The following GCKR variants were observed in gnomAD, a reference collection of about 807,000 sequenced individuals.
GCKR encodes glucokinase regulatory protein.
Under a neutral mutation model 82.9 loss-of-function variants are expected in GCKR, and 73 were observed. The ratio of observed to expected loss-of-function variants is 0.88; its 90% CI spans 0.73 to 1.07. The LOEUF (loss-of-function observed/expected upper bound fraction) is 1.07, where lower values mean the gene tolerates loss of function less well. Among genes scored for constraint, GCKR ranks in the 50% least tolerant of loss-of-function variants. The pLI is 0.00. For synonymous variants in GCKR, 294 were observed against 291.8 expected, an observed-to-expected ratio of 1.01 and a Z score of -0.08; for missense variants, 784 against 782.1, an observed-to-expected ratio of 1.00 and a Z score of -0.03.
At position 27,503,600 on chromosome 2, in the gene GCKR, T is replaced by A. The variant is rs753225063; in HGVS notation, c.731T>A (p.Val244Glu). Residue 244 changes from valine to glutamate, a missense_variant, in exon 9 of 19, where the codon GTG becomes GAG. Coordinates refer to ENST00000264717, the MANE Select transcript of GCKR (RefSeq NM_001486.4). The part of the protein sequence containing the change: ...QKMQEKQKAF[V>E]LNPAIGPEGL... ...ATGCAGGAGAAACAGAAAGCTTTTGTGCTCAATCCTGCCATCGGGGTAGGG... is the reference window on the plus strand; with the variant it reads ...ATGCAGGAGAAACAGAAAGCTTTTGAGCTCAATCCTGCCATCGGGGTAGGG... 6.3e-7 allele frequency: 1 copy of A among 1,595,110 alleles called. No individual in the cohort carries two copies. Among genetic ancestry groups the A allele is most frequent in the South Asian group, 1.1e-5 (1 of 90,712 alleles).
At position 27,515,770 on chromosome 2, in the gene GCKR, T is replaced by A. The variant is rs963339842; in HGVS notation, c.1423-3018T>A. On this transcript the variant is annotated intron_variant, in intron 16 of 18. Transcript: ENST00000264717. Reference sequence around the variant, plus strand: ...GTATATATATATATATATATATTTTTTTTTTTTTTTTGAGACAGAATCTCA... The same window carrying A: ...GTATATATATATATATATATATTTTATTTTTTTTTTTGAGACAGAATCTCA... Among the ~76,000 whole-genome samples the A allele has an allele frequency of 2.3e-3, 256 of 113,176 alleles. 2 individuals carry two copies. In the East Asian group the frequency reaches 0.054, roughly 24 times the overall value. The allele number at this position is 113,176 out of a possible 152,430, so 74.2% of individuals were successfully genotyped here. A position where few individuals can be genotyped will look rare whatever the true frequency, so the allele number is the denominator to read the frequency against.
At chr2:27,504,726 G>A (rs1033989661) in intron 9 of GCKR, among the ~76,000 whole-genome samples, 1 of 152,150 alleles carries the variant, frequency 6.6e-6, no homozygotes, top group Non-Finnish European at 1.5e-5. Flanking sequence ...CTGGACTGCT[G>A]CAATCACTTC....
intron 17 of GCKR, among the ~76,000 whole-genome samples, chr2:27,522,072 T>C (rs1346552415): frequency 6.6e-5 from 10 of 151,938 alleles, no homozygotes; most frequent in Non-Finnish European, 1.5e-4. Flanking sequence ...GAGAGGAGGG[T>C]AGTGACAAAA....
Position 27,505,669 on chromosome 2 carries a change from G to A in GCKR, c.751-49G>A, listed in dbSNP as rs202088362. The A allele has an allele frequency of 2.9e-4, 283 of 970,446 alleles. No individual in the cohort carries two copies. The African/African-American group carries it at 3.7e-3, about 13-fold the overall frequency. The allele number at this position is 970,446 out of a possible 1,614,324, so 60.1% of individuals were successfully genotyped here. On this transcript the variant is annotated intron_variant, in intron 9 of 18. Transcript: ENST00000264717. ...CGGGGGTTACTAACAAGTGGTCTAC[G>A]GGGTCTTCATCCTCTCCCAATTCCT...
intron 1 of GCKR, 24 bp from the exon 2 acceptor site, chr2:27,497,220 A>G: frequency 6.2e-7 from 1 of 1,614,096 alleles, no homozygotes; most frequent in African/African-American, 1.3e-5. Flanking sequence ...TTCCTGCTCC[A>G]TCCTTGTCCC....
intron 5 of GCKR, 90 bp downstream of exon 5, chr2:27,498,887 CT>C: frequency 2.4e-6 from 2 of 843,754 alleles, no homozygotes; most frequent in Non-Finnish European, 4.1e-6. Flanking sequence ...GAGATTGTGT[CT>C]GGCTTGTCTT....
At chr2:27,518,282 GTGATCC>G (rs886985991) in intron 16 of GCKR, among the ~76,000 whole-genome samples, 2 of 152,236 alleles carry the variant, frequency 1.3e-5, no homozygotes, top group African/African-American at 4.8e-5. Flanking sequence ...CTGACCTCAG[GTGATCC>G]CCCAACCTTG....
intron 13 of GCKR, 25 bp from the exon 14 acceptor site, chr2:27,507,656 A>G: frequency 8.0e-7 from 1 of 1,248,304 alleles, no homozygotes. Context: ...CATGGGAGGG[A>G]CCCTCCCATC....
At chr2:27,498,656 A>G (rs1669487214) in intron 4 of GCKR, 68 bp from the exon 5 acceptor site, 5 of 931,364 alleles carry the variant, frequency 5.4e-6, no homozygotes, top group Non-Finnish European at 9.0e-6. Flanking sequence ...GCCCTCTAGG[A>G]GTTGAAAATC....
intron 1 of GCKR, 89 bp from the exon 2 acceptor site, chr2:27,497,155 C>T: frequency 6.7e-7 from 1 of 1,493,922 alleles, no homozygotes; most frequent in Non-Finnish European, 9.3e-7. Flanking sequence ...AGTCCAAACT[C>T]TGTGCCTGCT....
Position 27,523,348 on chromosome 2 carries a change from C to T in GCKR, c.1787C>T (p.Ser596Phe). The T allele has an allele frequency of 6.2e-7, 1 of 1,612,996 alleles. No homozygotes were observed. Among genetic ancestry groups the T allele is most frequent in the Non-Finnish European group, 8.5e-7 (1 of 1,179,968 alleles). ...CAGGCACACCTGGCTGCAGCTCCTT[C>T]TGTCTGTGAGGCTGTCAGGAGTGCT... ...EAQAHLAAAP[S>F]VCEAVRSALA... Residue 596 changes from serine to phenylalanine, a missense_variant, in exon 19 of 19, where the codon TCT becomes TTT. By Grantham distance (155) the Ser-to-Phe change is radical. Transcript: ENST00000264717.
intron 4 of GCKR, 36 bp from the exon 5 acceptor site, chr2:27,498,688 G>C (rs779242575): frequency 7.8e-7 from 1 of 1,279,960 alleles, no homozygotes; most frequent in Non-Finnish European, 1.1e-6. Flanking sequence ...TTTCTTCTCT[G>C]TCATTACCTC....
At chr2:27,505,928 C>A in intron 10 of GCKR, 92 bp downstream of exon 10, 1 of 801,330 alleles carries the variant, frequency 1.2e-6, no homozygotes, top group Non-Finnish European at 2.2e-6. Context: ...AAGGACTGGG[C>A]TGGTGGCAGT....
In GCKR at chr2:27,523,681, G is replaced by A. The variant is rs974014349; in HGVS notation, c.*242G>A. On this transcript the variant is annotated 3_prime_UTR_variant, in exon 19 of 19. Coordinates refer to ENST00000264717, the MANE Select transcript of GCKR (RefSeq NM_001486.4). ...AAATAAAATGAAATGTCTTATTTTG[G>A]AAAGTTAACCTTTCAAAGTCAGTAA... is the stretch of plus-strand genomic sequence containing the variant. 2 of 530,460 alleles carry A rather than the reference G, an allele frequency of 3.8e-6. No homozygotes were observed. Among genetic ancestry groups the A allele is most frequent in the Non-Finnish European group, 3.4e-6 (1 of 292,528 alleles). The allele number at this position is 530,460 out of a possible 1,614,324, so 32.9% of individuals were successfully genotyped here.
intron 12 of GCKR, 52 bp downstream of exon 12, chr2:27,506,937 C>T (rs755007976): frequency 1.3e-5 from 15 of 1,196,850 alleles, no homozygotes; most frequent in East Asian, 7.0e-5. Context: ...CCCAACCATT[C>T]GGGCTGCTCT....
chr2:27,518,661 A>T, intron 16 of GCKR, 127 bp from the exon 17 acceptor site: 1 of 816,336 alleles, frequency 1.2e-6, no homozygotes. Context: ...CTGCTCAAAC[A>T]AATCATGTTT....
chr2:27,516,510 G>C (rs182001823), intron 16 of GCKR, among the ~76,000 whole-genome samples: 65 of 149,582 alleles, frequency 4.3e-4, no homozygotes, highest in Admixed American at 8.6e-4. Context: ...GGCCAGGCTG[G>C]TCTCAAACTC....
rs766655430 is a variant in GCKR, at chr2:27,523,477, G to A, written c.*38G>A. On this transcript the variant is annotated 3_prime_UTR_variant, in exon 19 of 19. Coordinates refer to ENST00000264717, the MANE Select transcript of GCKR (RefSeq NM_001486.4). ...GGGTGGGTGAAAGGGGCCCAACCCTGCCCACTTCAGCCCAGCCCGCCCAAG... is the reference window on the plus strand; with the variant it reads ...GGGTGGGTGAAAGGGGCCCAACCCTACCCACTTCAGCCCAGCCCGCCCAAG... 3 of 1,587,634 alleles carry A rather than the reference G, an allele frequency of 1.9e-6. No homozygotes were observed. The highest frequency in any genetic ancestry group is 3.3e-5 in the Admixed American group (2 of 59,970).
Position 27,497,338 on chromosome 2 carries a change from T to A in GCKR, c.155T>A (p.Leu52Gln). The change falls in exon 2 of 19, where the codon CTG becomes CAG. Residue 52 changes from leucine to glutamine, a missense_variant. Physicochemically the swap from Leu to Gln is moderately radical, Grantham distance 113. Transcript: ENST00000264717. ...GCAGATGCTGAGAACATTGTTCGAC[T>A]GCTAGGGCAATGTGATGCTGAGATC... ...DKADAENIVRLLGQCDAEIFQ... is the reference protein window; with the variant it reads ...DKADAENIVRQLGQCDAEIFQ... 6.2e-7 allele frequency: 1 copy of A among 1,614,212 alleles called. No homozygotes were observed.
Sources: allele counts gnomAD v4.1 joint callset (sites outside exome capture counted in the v4.1 genomes callset), GRCh38; gene constraint gnomAD v4.1.1; transcripts MANE v1.5; gene names NCBI Gene and HGNC (gene_info 2026-07-23, HGNC 2026-07-21).